Variants in MED12L observed in about 807,000 individuals in gnomAD.
MED12L encodes the protein mediator complex subunit 12L, also known as mediator of RNA polymerase II transcription subunit 12-like protein.
Under a neutral mutation model 281.3 loss-of-function variants are expected in MED12L, and 60 were observed. The ratio of observed to expected loss-of-function variants is 0.21; its 90% CI spans 0.17 to 0.26. The LOEUF is 0.26. Ranked by LOEUF, MED12L falls within the 10% of genes least tolerant of loss-of-function variation. The probability of loss-of-function intolerance (pLI) is 1.00; values close to 1 mark genes in which losing one functional copy is unlikely to be tolerated. For synonymous variants in MED12L, 974 were observed against 987.2 expected (o/e 0.99, Z 0.25); for missense variants, 2,146 against 2,680.9 (o/e 0.80, Z 4.41).
chr3:151,352,821 A>G (rs187034298), intron 17 of MED12L, among the ~76,000 whole-genome samples: 33 of 152,320 alleles, frequency 2.2e-4, no homozygotes, highest in African/African-American at 6.5e-4. Context: ...TACTATGACA[A>G]CCTTTAAGAG....
intron 2 of MED12L, among the ~76,000 whole-genome samples, chr3:151,090,047 T>C (rs1026140401): frequency 6.6e-6 from 1 of 152,152 alleles, no homozygotes; most frequent in Admixed American, 6.5e-5. Context: ...CATATTCTGT[T>C]CTGGTCTTTC....
At position 151,088,328 on chromosome 3, in the gene MED12L, G is replaced by A. The variant is rs532341426; in HGVS notation, c.99+1303G>A. Among the ~76,000 whole-genome samples the A allele has an allele frequency of 2.0e-5, 3 of 152,262 alleles. No individual in the cohort carries two copies. The East Asian group carries it at 5.8e-4, about 29-fold the overall frequency. Reference sequence around the variant, plus strand: ...GGTAGAGGTTTGAGAAGATTTCCCAGATTTTTTTTCCTACCCGTTACCCCA... The same window carrying A: ...GGTAGAGGTTTGAGAAGATTTCCCAAATTTTTTTTCCTACCCGTTACCCCA... On this transcript the variant is annotated intron_variant, in intron 2 of 44. Coordinates refer to ENST00000687756, the MANE Select transcript of MED12L (RefSeq NM_001393769.1).
At position 151,229,499 on chromosome 3, in the gene MED12L, G is replaced by A. The variant is rs1362927152; in HGVS notation, c.2250+35833G>A. Among the ~76,000 whole-genome samples, 36 of 115,598 alleles carry A rather than the reference G, an allele frequency of 3.1e-4. 1 individual carries two copies. The highest frequency in any genetic ancestry group is 1.1e-3 in the African/African-American group (35 of 31,384). The allele number at this position is 115,598 out of a possible 152,430, so 75.8% of individuals were successfully genotyped here. A position where few individuals can be genotyped will look rare whatever the true frequency, so the allele number is the denominator to read the frequency against. ...TTTTTTTTTTTTTTTTTTTTTTTGAGACGGAGTCTCACTTTGTCGCCCAGG... is the reference window on the plus strand; with the variant it reads ...TTTTTTTTTTTTTTTTTTTTTTTGAAACGGAGTCTCACTTTGTCGCCCAGG... On this transcript the variant is annotated intron_variant, in intron 16 of 44. Transcript: ENST00000687756.
chr3:151,137,444 A>AG (rs1471032190), intron 5 of MED12L, among the ~76,000 whole-genome samples: 1 of 152,128 alleles, frequency 6.6e-6, no homozygotes, highest in Non-Finnish European at 1.5e-5. Context: ...CTTTTGTCTA[A>AG]GGAACTCTGC....
intron 16 of MED12L, chr3:151,300,074 T>G: frequency 6.2e-7 from 1 of 1,602,996 alleles, no homozygotes; most frequent in Non-Finnish European, 8.5e-7. Flanking sequence ...TACTTGGTAA[T>G]TTTGCAAGCG....
At chr3:151,422,819 CTT>C (rs34923048) in intron 43 of MED12L, among the ~76,000 whole-genome samples, 1,838 of 131,008 alleles carry the variant, frequency 0.014, 34 homozygotes, top group African/African-American at 0.048. Context: ...TGATTCATTG[CTT>C]TTTTTTTTTT....
At chr3:151,216,140 A>G (rs1185141429) in intron 16 of MED12L, among the ~76,000 whole-genome samples, 1 of 152,064 alleles carries the variant, frequency 6.6e-6, no homozygotes, top group Admixed American at 6.5e-5. Context: ...AGATCATGTC[A>G]TTTTTTTACT....
chr3:151,223,267 T>C (rs182931896), intron 16 of MED12L, among the ~76,000 whole-genome samples: 18 of 151,390 alleles, frequency 1.2e-4, no homozygotes, highest in South Asian at 2.1e-4. Flanking sequence ...TCAGTCCCTA[T>C]TGAAAGCAGT....
chr3:151,258,087 T>G (rs1412358626), intron 16 of MED12L, among the ~76,000 whole-genome samples: 1 of 152,214 alleles, frequency 6.6e-6, no homozygotes, highest in African/African-American at 2.4e-5. Context: ...CATTCCAATC[T>G]GTGGGTCCCT....
intron 2 of MED12L, among the ~76,000 whole-genome samples, chr3:151,092,029 G>C (rs1720116857): frequency 6.6e-6 from 1 of 152,220 alleles, no homozygotes; most frequent in Non-Finnish European, 1.5e-5. Context: ...GTCTCCTGTT[G>C]TACTTAACCA....
intron 16 of MED12L, among the ~76,000 whole-genome samples, chr3:151,290,186 G>A (rs1049607333): frequency 1.1e-4 from 17 of 151,958 alleles, no homozygotes; most frequent in African/African-American, 3.1e-4. Flanking sequence ...ACTTCCGACC[G>A]TACTCTAACA....
rs1172857132 is a variant in MED12L, at chr3:151,165,409, T to A, written c.1258-11T>A. On this transcript the variant is annotated splice_polypyrimidine_tract_variant and intron_variant, in intron 9 of 44. Coordinates refer to ENST00000687756, the MANE Select transcript of MED12L (RefSeq NM_001393769.1). ...CCAAGCACAAGTTAATTAGAAGCGA[T>A]TATCTTTCAGGTTCGGGCAAGGATT... The A allele has an allele frequency of 2.5e-6, 4 of 1,610,302 alleles. No homozygotes were observed. Among genetic ancestry groups the A allele is most frequent in the African/African-American group, 1.3e-5 (1 of 74,848 alleles).
In MED12L at chr3:151,230,176, G is replaced by A. The variant is rs375052339; in HGVS notation, c.2250+36510G>A. On this transcript the variant is annotated intron_variant, in intron 16 of 44. Transcript: ENST00000687756. Reference sequence around the variant, plus strand: ...TTTTTAGTAGAGACGGGATTTCACCGTGTTAGCCAGGATTGTCTTGATCTC... The same window carrying A: ...TTTTTAGTAGAGACGGGATTTCACCATGTTAGCCAGGATTGTCTTGATCTC... Among the ~76,000 whole-genome samples the A allele has an allele frequency of 3.8e-4, 58 of 151,976 alleles. 1 individual carries two copies. The highest frequency in any genetic ancestry group is 9.4e-4 in the African/African-American group (39 of 41,462).
At chr3:151,273,920 T>A (rs1741432690) in intron 16 of MED12L, among the ~76,000 whole-genome samples, 1 of 152,204 alleles carries the variant, frequency 6.6e-6, no homozygotes, top group African/African-American at 2.4e-5. Flanking sequence ...CTTCACTGTG[T>A]TATGAGGCTA....
At chr3:151,192,174 C>CT (rs1476702669) in intron 14 of MED12L, among the ~76,000 whole-genome samples, 2 of 152,040 alleles carry the variant, frequency 1.3e-5, no homozygotes, top group Non-Finnish European at 2.9e-5. Flanking sequence ...CCTGCTTTTT[C>CT]TTTTCTATTC....
intron 17 of MED12L, among the ~76,000 whole-genome samples, chr3:151,350,786 T>C (rs1171997889): frequency 6.6e-6 from 1 of 152,248 alleles, no homozygotes; most frequent in Non-Finnish European, 1.5e-5. Context: ...TCTTCTTTAG[T>C]TGAAATGCTC....
chr3:151,117,688 C>T (rs995892059), intron 3 of MED12L, among the ~76,000 whole-genome samples: 3 of 148,858 alleles, frequency 2.0e-5, no homozygotes, highest in East Asian at 2.0e-4. Flanking sequence ...AATTTTTCTA[C>T]AATACTTTTT....
At chr3:151,270,107 G>A (rs1292449217) in intron 16 of MED12L, 5 of 240,160 alleles carry the variant, frequency 2.1e-5, no homozygotes, top group Non-Finnish European at 4.1e-5. Context: ...AGGGAGGAAA[G>A]AAAGGGGGTG....
chr3:151,263,952 G>A (rs1344647425), intron 16 of MED12L, among the ~76,000 whole-genome samples: 4 of 152,186 alleles, frequency 2.6e-5, no homozygotes, highest in Admixed American at 2.0e-4. Context: ...GGCAGATAAC[G>A]ATGGACAGAG....
Sources: allele counts gnomAD v4.1 joint callset (sites outside exome capture counted in the v4.1 genomes callset), GRCh38; gene constraint gnomAD v4.1.1; transcripts MANE v1.5; gene names NCBI Gene and HGNC (gene_info 2026-07-23, HGNC 2026-07-21).